The following MDGA1 variants were observed in gnomAD, a reference collection of about 807,000 sequenced individuals.
MDGA1 encodes the protein MAM domain-containing glycosylphosphatidylinositol anchor protein 1.
In MDGA1, 54 loss-of-function variants were observed where a neutral mutation model predicts 101.5. The ratio of observed to expected loss-of-function variants is 0.53; its 90% CI spans 0.43 to 0.67. The LOEUF (loss-of-function observed/expected upper bound fraction) is 0.67, where lower values mean the gene tolerates loss of function less well. Among genes scored for constraint, MDGA1 ranks in the 30% least tolerant of loss-of-function variants. The pLI, the probability that MDGA1 is intolerant of heterozygous loss-of-function variation, is 0.00. For missense variants in MDGA1, 1,083 were observed against 1,323.8 expected (o/e 0.82, Z 2.82); for synonymous variants, 533 against 558.3 (o/e 0.95, Z 0.64).
intron 13 of MDGA1, 47 bp from the exon 14 acceptor site, chr6:37,643,990 C>T: frequency 1.2e-6 from 2 of 1,602,818 alleles, no homozygotes; most frequent in Non-Finnish European, 1.7e-6. Flanking sequence ...GACAGCCAGG[C>T]CTCTTCCTAC....
rs998299073 is a variant in MDGA1, at chr6:37,649,269, G to A, written c.1610-3C>T. The A allele has an allele frequency of 2.7e-6, 4 of 1,487,216 alleles. No homozygotes were observed. The highest frequency in any genetic ancestry group is 2.3e-5 in the Admixed American group (1 of 43,306). The allele number at this position is 1,487,216 out of a possible 1,614,324, so 92.1% of individuals were successfully genotyped here. On this transcript the variant is annotated splice_region_variant and splice_polypyrimidine_tract_variant and intron_variant, in intron 8 of 16. Transcript: ENST00000434837. Reference sequence around the variant, plus strand: ...ACTGGGCTCCACCTCCGGCGGGACTGGGGGCGGGAGCGGCGGTCAGCGGGG... The same window carrying A: ...ACTGGGCTCCACCTCCGGCGGGACTAGGGGCGGGAGCGGCGGTCAGCGGGG...
At chr6:37,653,932 T>C (rs1188427147) in intron 6 of MDGA1, among the ~76,000 whole-genome samples, 1 of 152,122 alleles carries the variant, frequency 6.6e-6, no homozygotes, top group African/African-American at 2.4e-5. Context: ...TCTTGAAGCC[T>C]AGAATGTCCC....
In MDGA1 at chr6:37,655,523, G is replaced by T; in HGVS notation, c.579+177C>A. On this transcript the variant is annotated intron_variant, in intron 4 of 16. Coordinates refer to ENST00000434837, the MANE Select transcript of MDGA1 (RefSeq NM_153487.4). This position sits in a 1 kb window ranked among gnomAD's most constrained non-coding sequence, Gnocchi z 5.1. ...ACTCCTGCCCTCATTGCTGCTCCCTGACCTTTCCATCTGATTTTTCTGCCC... is the reference window on the plus strand; with the variant it reads ...ACTCCTGCCCTCATTGCTGCTCCCTTACCTTTCCATCTGATTTTTCTGCCC... The T allele has an allele frequency of 1.7e-6, 1 of 597,740 alleles. No homozygotes were observed. 37.0% of individuals were successfully genotyped at this position (597,740 alleles called of 1,614,324 possible).
At chr6:37,685,632 G>A (rs568575087) in intron 1 of MDGA1, among the ~76,000 whole-genome samples, 8 of 152,286 alleles carry the variant, frequency 5.3e-5, no homozygotes, top group Admixed American at 3.3e-4. Flanking sequence ...CTGCCTTCGG[G>A]GCTGAAAGGA....
At chr6:37,654,251 C>A in intron 6 of MDGA1, 23 bp downstream of exon 6, 1 of 1,518,814 alleles carries the variant, frequency 6.6e-7, no homozygotes, top group Non-Finnish European at 8.8e-7. Context: ...AACTTCCCTC[C>A]CACCCCTTCT....
intron 1 of MDGA1, among the ~76,000 whole-genome samples, chr6:37,680,742 C>T (rs539613182): frequency 1.3e-5 from 2 of 152,374 alleles, no homozygotes; most frequent in South Asian, 4.1e-4. Flanking sequence ...TGGGCCTCAG[C>T]AGCCCCCCTG....
At chr6:37,640,205 A>G (rs1764033072) in intron 14 of MDGA1, among the ~76,000 whole-genome samples, 1 of 152,052 alleles carries the variant, frequency 6.6e-6, no homozygotes, top group African/African-American at 2.4e-5. Flanking sequence ...TGGCCAGGGG[A>G]ATGTGGTAAG....
At chr6:37,648,737 T>G in intron 9 of MDGA1, 2 of 627,076 alleles carry the variant, frequency 3.2e-6, no homozygotes, top group Non-Finnish European at 5.2e-6. Context: ...AAGGTGTGAG[T>G]GGAGGGGCGT....
chr6:37,639,860 T>G (rs1354408654), intron 14 of MDGA1: 1 of 152,222 alleles, frequency 6.6e-6, no homozygotes, highest in East Asian at 1.9e-4. Flanking sequence ...AATAAATGAA[T>G]GATAGGATTT....
chr6:37,691,839 C>T (rs896454201), intron 1 of MDGA1, among the ~76,000 whole-genome samples: 25 of 152,296 alleles, frequency 1.6e-4, no homozygotes, highest in African/African-American at 6.0e-4. Flanking sequence ...GGCCATGCGC[C>T]AGGTTTATAC....
chr6:37,696,787 G>T lies in MDGA1; in HGVS notation c.25C>A (p.Leu9Met), dbSNP rs193136982. MEVTCLLL[L>M]ALIPFHCRGQ... ...CGGCAGTGGAAGGGGATCAGCGCCA[G>T]AAGTAGAAGGCAGGTCACCTCCATC... Residue 9 changes from leucine (L) to methionine (M), a missense_variant, in exon 1 of 17, where the codon CTG (leucine) becomes ATG (methionine). Coordinates refer to ENST00000434837, the MANE Select transcript of MDGA1 (RefSeq NM_153487.4). The surrounding 1 kb of genome is among the most constrained non-coding windows in gnomAD (Gnocchi z 5.6). The T allele has an allele frequency of 6.3e-7, 1 of 1,582,212 alleles. No individual in the cohort carries two copies. Among genetic ancestry groups the T allele is most frequent in the Admixed American group, 1.8e-5 (1 of 55,990 alleles).
intron 1 of MDGA1, among the ~76,000 whole-genome samples, chr6:37,673,363 T>C (rs1447468248): frequency 6.6e-6 from 1 of 152,238 alleles, no homozygotes; most frequent in Non-Finnish European, 1.5e-5. Flanking sequence ...CTTTTATGCA[T>C]GTAATGCAAA....
intron 1 of MDGA1, among the ~76,000 whole-genome samples, chr6:37,685,347 T>G (rs1334046436): frequency 2.0e-5 from 3 of 151,904 alleles, no homozygotes; most frequent in African/African-American, 7.3e-5. Flanking sequence ...GAGGAGTTAC[T>G]CAAGTTCAAC....
intron 3 of MDGA1, 103 bp downstream of exon 3, chr6:37,658,142 C>T (rs890085140): frequency 1.7e-5 from 23 of 1,326,182 alleles, no homozygotes; most frequent in Non-Finnish European, 2.2e-5. Context: ...TCAGCTTCTC[C>T]GTTCCACCCC....
At chr6:37,693,486 T>A (rs1364619603) in intron 1 of MDGA1, among the ~76,000 whole-genome samples, 2 of 152,246 alleles carry the variant, frequency 1.3e-5, no homozygotes, top group Non-Finnish European at 1.5e-5. Context: ...GCAAACAACC[T>A]GTCTTAAGGA....
rs10947693 is a variant in MDGA1 at position 37,696,445 on chromosome 6, G to A, written c.67+300C>T. On this transcript the variant is annotated intron_variant, in intron 1 of 16. Coordinates refer to ENST00000434837, the MANE Select transcript of MDGA1 (RefSeq NM_153487.4). The surrounding 1 kb of genome is among the most constrained non-coding windows in gnomAD (Gnocchi z 5.6). ...CACCAGTCCTAGACTGGGTCTGTCC[G>A]GGTCTCCCGAGCCGACCGGGTGCTC... Among the ~76,000 whole-genome samples the A allele has an allele frequency of 0.17, 25,652 of 152,158 alleles. 2,656 individuals carry two copies. The highest frequency in any genetic ancestry group is 0.23 in the Non-Finnish European group (15,488 of 67,960).
intron 1 of MDGA1, among the ~76,000 whole-genome samples, chr6:37,690,762 G>A (rs866419952): frequency 8.1e-6 from 1 of 123,282 alleles, no homozygotes; most frequent in African/African-American, 3.5e-5. Context: ...GGGTAACCGA[G>A]ACTCCACCTC....
In MDGA1 at chr6:37,634,928, G is replaced by A. The variant is rs950102587; in HGVS notation, c.*2440C>T. On this transcript the variant is annotated 3_prime_UTR_variant, in exon 17 of 17. Transcript: ENST00000434837. This position sits in a 1 kb window ranked among gnomAD's most constrained non-coding sequence, Gnocchi z 4.7. ...CCCTGTCGGAGCAGCCAGGGTTGCG[G>A]GGCAAATGGATTGGAAGGTCCTCTG... 6.6e-6 allele frequency: 1 copy of A among 152,366 alleles called. No individual in the cohort carries two copies. The highest frequency in any genetic ancestry group is 1.5e-5 in the Non-Finnish European group (1 of 68,156). The allele number at this position is 152,366 out of a possible 1,614,324, so 9.4% of individuals were successfully genotyped here.
At chr6:37,681,008 C>CT (rs1274918452) in intron 1 of MDGA1, among the ~76,000 whole-genome samples, 1 of 150,336 alleles carries the variant, frequency 6.7e-6, no homozygotes, top group African/African-American at 2.5e-5. Context: ...CCCCCCCCCC[C>CT]AGGAAACCTG....
Sources: allele counts gnomAD v4.1 joint callset (sites outside exome capture counted in the v4.1 genomes callset), GRCh38; gene constraint gnomAD v4.1.1; non-coding constraint Gnocchi (gnomAD v3.1); transcripts MANE v1.5; gene names NCBI Gene and HGNC (gene_info 2026-07-23, HGNC 2026-07-21).